Variants in SGPP1 observed in about 807,000 individuals in gnomAD.
SGPP1 encodes the protein hSPP1.
In SGPP1, 21 loss-of-function variants were observed where a neutral mutation model predicts 33.0. That is an observed-to-expected ratio of 0.64 (90% CI 0.45 to 0.92). The LOEUF is 0.92. Among genes scored for constraint, SGPP1 ranks in the 40% least tolerant of loss-of-function variants. SGPP1 has a pLI of 0.00. For synonymous variants in SGPP1, 239 were observed against 241.2 expected, an observed-to-expected ratio of 0.99 and a Z score of 0.08; for missense variants, 543 against 589.4, an observed-to-expected ratio of 0.92 and a Z score of 0.81.
intron 1 of SGPP1, among the ~76,000 whole-genome samples, chr14:63,701,980 T>C (rs921576978): frequency 5.8e-5 from 7 of 120,846 alleles, no homozygotes; most frequent in Non-Finnish European, 1.0e-4. Flanking sequence ...TTTAAAAAAA[T>C]CTTTCTGCAC....
At chr14:63,720,307 G>T (rs1458822673) in intron 1 of SGPP1, among the ~76,000 whole-genome samples, 6 of 151,704 alleles carry the variant, frequency 4.0e-5, no homozygotes, top group Non-Finnish European at 4.4e-5. Context: ...AAAAAGGAAG[G>T]AAGGATGGGA....
intron 1 of SGPP1, among the ~76,000 whole-genome samples, chr14:63,716,646 C>T (rs1044249223): frequency 6.6e-6 from 1 of 151,946 alleles, no homozygotes; most frequent in African/African-American, 2.4e-5. Context: ...GGTTTAAGAT[C>T]TCACAATTGC....
At position 63,685,206 on chromosome 14, in the gene SGPP1, C is replaced by T. The variant is rs546046796; in HGVS notation, c.*899G>A. ...TTCCACATTTCTTTCTAAATAAAGGCTAAAGAGTTAAGGGTAATTTACTTT... is the reference window on the plus strand; with the variant it reads ...TTCCACATTTCTTTCTAAATAAAGGTTAAAGAGTTAAGGGTAATTTACTTT... On this transcript the variant is annotated 3_prime_UTR_variant, in exon 3 of 3. Transcript: ENST00000247225. 9.8e-5 allele frequency: 15 copies of T among 152,468 alleles called. No individual in the cohort carries two copies. In the South Asian group the frequency reaches 3.1e-3, roughly 32 times the overall value. 9.4% of individuals were successfully genotyped at this position (152,468 alleles called of 1,614,324 possible).
At chr14:63,713,453 G>C (rs1885562468) in intron 1 of SGPP1, among the ~76,000 whole-genome samples, 1 of 152,152 alleles carries the variant, frequency 6.6e-6, no homozygotes. Flanking sequence ...TAAAGAGCCT[G>C]ATAGCAACTA....
chr14:63,709,204 G>T (rs540387721), intron 1 of SGPP1, among the ~76,000 whole-genome samples: 1 of 151,952 alleles, frequency 6.6e-6, no homozygotes, highest in Non-Finnish European at 1.5e-5. Flanking sequence ...GTGAAACTCC[G>T]TCTCTACTAG....
chr14:63,719,020 T>A (rs1400408055), intron 1 of SGPP1, among the ~76,000 whole-genome samples: 174 of 71,796 alleles, frequency 2.4e-3, no homozygotes, highest in South Asian at 5.4e-3. Context: ...ATATATTTTT[T>A]TTTTTTTTTT....
At chr14:63,716,422 G>C (rs1005628091) in intron 1 of SGPP1, among the ~76,000 whole-genome samples, 1 of 151,796 alleles carries the variant, frequency 6.6e-6, no homozygotes, top group South Asian at 2.1e-4. Context: ...TGAATCCGGG[G>C]GGTGGAGGTT....
chr14:63,688,020 G>A (rs1173187131), intron 2 of SGPP1, among the ~76,000 whole-genome samples: 1 of 152,188 alleles, frequency 6.6e-6, no homozygotes, highest in Non-Finnish European at 1.5e-5. Flanking sequence ...AACTACTTGG[G>A]AGGCTGAGAC....
intron 1 of SGPP1, among the ~76,000 whole-genome samples, chr14:63,703,522 G>A (rs770741056): frequency 7.9e-5 from 12 of 151,588 alleles, no homozygotes; most frequent in East Asian, 1.9e-4. Context: ...GCGTGGTGGC[G>A]CGTGCCTGTA....
intron 1 of SGPP1, among the ~76,000 whole-genome samples, chr14:63,713,296 A>T (rs2139648476): frequency 6.6e-6 from 1 of 152,304 alleles, no homozygotes; most frequent in Admixed American, 6.5e-5. Flanking sequence ...CCAAGCAGGA[A>T]ACCTCAGAAC....
In SGPP1 at chr14:63,686,085, T is replaced by C. The variant is rs1399919172; in HGVS notation, c.*20A>G. The C allele has an allele frequency of 6.8e-7, 1 of 1,472,294 alleles. No individual in the cohort carries two copies. 91.2% of individuals were successfully genotyped at this position (1,472,294 alleles called of 1,614,324 possible). A position where few individuals can be genotyped will look rare whatever the true frequency, so the allele number is the denominator to read the frequency against. On this transcript the variant is annotated 3_prime_UTR_variant, in exon 3 of 3. Transcript: ENST00000247225. ...CAGTAACTGATACCCTCCTTTCTTA[T>C]CATAAACAATACTTCTCCATCAAGA...
At chr14:63,698,413 TAA>T (rs547538860) in intron 2 of SGPP1, among the ~76,000 whole-genome samples, 154 bp downstream of exon 2, 62 of 152,354 alleles carry the variant, frequency 4.1e-4, no homozygotes, top group African/African-American at 1.4e-3. Flanking sequence ...TAATATTTCA[TAA>T]ACCATCATGT....
chr14:63,699,803 A>G (rs1885259243), intron 1 of SGPP1, among the ~76,000 whole-genome samples: 1 of 148,528 alleles, frequency 6.7e-6, no homozygotes, highest in South Asian at 2.2e-4. Context: ...TCTCCTTGAA[A>G]CTCTAAATAC....
intron 1 of SGPP1, among the ~76,000 whole-genome samples, chr14:63,705,722 C>A (rs1259940305): frequency 1.3e-5 from 2 of 151,944 alleles, no homozygotes; most frequent in Non-Finnish European, 2.9e-5. Context: ...TGAGGTACAA[C>A]TTCATACTCC....
rs1270856977 is a variant in SGPP1, at chr14:63,727,749, G to A, written c.196C>T (p.Pro66Ser). 2.7e-6 allele frequency: 4 copies of A among 1,480,866 alleles called. No individual in the cohort carries two copies. In the African/African-American group the frequency reaches 5.9e-5, roughly 22 times the overall value. The allele number at this position is 1,480,866 out of a possible 1,614,324, so 91.7% of individuals were successfully genotyped here. A position where few individuals can be genotyped will look rare whatever the true frequency, so the allele number is the denominator to read the frequency against. Residue 66 changes from proline (P) to serine (S), a missense_variant, in exon 1 of 3, where the codon CCC becomes TCC. Physicochemically the swap from Pro to Ser is moderately conservative, Grantham distance 74 (BLOSUM62 -1). Coordinates refer to ENST00000247225, the MANE Select transcript of SGPP1 (RefSeq NM_030791.4). ...TTGCGGTCGCTCCCGGGAGGCTGGGGGCCTCCAGGCGCCCCTGGCTGCCGC... is the reference window on the plus strand; with the variant it reads ...TTGCGGTCGCTCCCGGGAGGCTGGGAGCCTCCAGGCGCCCCTGGCTGCCGC... ...RGRQPGAPGG[P>S]QPPGSDRNQC...
At position 63,727,876 on chromosome 14, in the gene SGPP1, G is replaced by A. The variant is rs1885925111; in HGVS notation, c.69C>T (p.Phe23=). The A allele has an allele frequency of 6.6e-7, 1 of 1,523,950 alleles. No individual in the cohort carries two copies. The highest frequency in any genetic ancestry group is 8.8e-7 in the Non-Finnish European group (1 of 1,142,444). The allele number at this position is 1,523,950 out of a possible 1,614,324, so 94.4% of individuals were successfully genotyped here. The change falls in exon 1 of 3, where the codon TTC becomes TTT. Residue 23 remains phenylalanine, a synonymous_variant. Coordinates refer to ENST00000247225, the MANE Select transcript of SGPP1 (RefSeq NM_030791.4). ...RLQDPQKVAR[F]QRLCGVEAPP... Reference sequence around the variant, plus strand: ...GCGCTTCCACCCCGCACAGCCGCTGGAAACGGGCCACTTTCTGCGGGTCCT... The same window carrying A: ...GCGCTTCCACCCCGCACAGCCGCTGAAAACGGGCCACTTTCTGCGGGTCCT...
intron 1 of SGPP1, among the ~76,000 whole-genome samples, chr14:63,704,889 G>A (rs775851431): frequency 6.6e-5 from 10 of 152,176 alleles, no homozygotes; most frequent in Non-Finnish European, 1.2e-4. Context: ...ACTTTGGGAA[G>A]CCTAGGCAGG....
chr14:63,725,591 A>G (rs970582131), intron 1 of SGPP1, among the ~76,000 whole-genome samples: 2 of 152,226 alleles, frequency 1.3e-5, no homozygotes, highest in Admixed American at 6.5e-5. Flanking sequence ...TTTGAGTTAA[A>G]TATACTAGGT....
At chr14:63,687,968 A>G (rs1379846041) in intron 2 of SGPP1, among the ~76,000 whole-genome samples, 1 of 152,112 alleles carries the variant, frequency 6.6e-6, no homozygotes, top group Admixed American at 6.5e-5. Flanking sequence ...TAGAAATACA[A>G]AAGAAAATTA....
Sources: gnomAD v4.1 joint callset for allele counts (sites outside exome capture counted in the v4.1 genomes callset) on GRCh38, gnomAD v4.1.1 for gene constraint, MANE v1.5 for transcripts, NCBI Gene and HGNC (gene_info 2026-07-23, HGNC 2026-07-21) for gene names.